GPC5: variants seen among roughly 807,000 people sequenced by gnomAD.
GPC5 encodes glypican 5, also known as glypican-5.
In GPC5, 47 loss-of-function variants were observed where a neutral mutation model predicts 53.9. That is an observed-to-expected ratio of 0.87 (90% CI 0.69 to 1.11). GPC5 has a LOEUF of 1.11. Among genes scored for constraint, GPC5 ranks in the 50% most tolerant of loss-of-function variants. The pLI is 0.00. For missense variants in GPC5, 748 were observed against 713.1 expected (o/e 1.05, Z -0.56); for synonymous variants, 286 against 263.3 (o/e 1.09, Z -0.84).
At chr13:91,588,102 A>G (rs2032664854) in intron 2 of GPC5, among the ~76,000 whole-genome samples, 1 of 152,160 alleles carries the variant, frequency 6.6e-6, no homozygotes. Flanking sequence ...AGCAGTGGAA[A>G]CTAACAGCAC....
chr13:91,684,421 G>A (rs1246001143), intron 2 of GPC5, among the ~76,000 whole-genome samples: 2 of 152,018 alleles, frequency 1.3e-5, no homozygotes, highest in Admixed American at 6.6e-5. Flanking sequence ...CACGGAGCCG[G>A]CATACTCTTG....
chr13:91,476,168 A>T (rs1010992323), intron 2 of GPC5, among the ~76,000 whole-genome samples: 1 of 152,172 alleles, frequency 6.6e-6, no homozygotes, highest in Non-Finnish European at 1.5e-5. Flanking sequence ...GCATCTTGAC[A>T]TCTACCCACT....
At chr13:91,678,335 G>T (rs2035430112) in intron 2 of GPC5, among the ~76,000 whole-genome samples, 1 of 152,130 alleles carries the variant, frequency 6.6e-6, no homozygotes, top group Non-Finnish European at 1.5e-5. Context: ...TAGAACATTT[G>T]GTGGTTAGAA....
intron 2 of GPC5, among the ~76,000 whole-genome samples, chr13:91,600,640 G>T (rs972390206): frequency 6.6e-6 from 1 of 151,816 alleles, no homozygotes; most frequent in African/African-American, 2.4e-5. Flanking sequence ...ATGGGGTCTC[G>T]CTCTGTCGCC....
chr13:92,477,803 T>C (rs774209382), intron 7 of GPC5, among the ~76,000 whole-genome samples: 15 of 152,094 alleles, frequency 9.9e-5, no homozygotes, highest in Non-Finnish European at 1.8e-4. Context: ...TGTAGCGGTG[T>C]GTTGTTATTG....
chr13:91,504,865 G>C (rs190776584), intron 2 of GPC5, among the ~76,000 whole-genome samples: 1 of 152,064 alleles, frequency 6.6e-6, no homozygotes, highest in Non-Finnish European at 1.5e-5. Flanking sequence ...GAAGTAGGAG[G>C]ATCGCTTGAG....
At chr13:92,372,651 C>G (rs999886403) in intron 7 of GPC5, among the ~76,000 whole-genome samples, 2 of 152,156 alleles carry the variant, frequency 1.3e-5, no homozygotes, top group African/African-American at 4.8e-5. Context: ...AAATATGTGA[C>G]CACAACCTTG....
intron 6 of GPC5, among the ~76,000 whole-genome samples, chr13:92,095,206 T>A (rs1244490844): frequency 1.3e-5 from 2 of 152,146 alleles, no homozygotes; most frequent in African/African-American, 4.8e-5. Context: ...GCAGGAAAAA[T>A]TGCTGAGGGA....
At position 92,057,406 on chromosome 13, in the gene GPC5, A is replaced by G. The variant is rs188252548; in HGVS notation, c.1402-87424A>G. 2.2e-3 allele frequency among the ~76,000 whole-genome samples: 334 copies of G among 152,334 alleles called. 3 individuals are homozygous for G. Among genetic ancestry groups the G allele is most frequent in the South Asian group, 0.014 (69 of 4,826 alleles). ...CCAGCTAAGCCTTGCCCAAATTCCT[A>G]ACCTGCAGAATCAAGAAAAACTAAA... is the stretch of plus-strand genomic sequence containing the variant. On this transcript the variant is annotated intron_variant, in intron 6 of 7. Transcript: ENST00000377067.
At chr13:91,586,775 C>A (rs1049351650) in intron 2 of GPC5, among the ~76,000 whole-genome samples, 1 of 150,354 alleles carries the variant, frequency 6.7e-6, no homozygotes, top group East Asian at 2.0e-4. Flanking sequence ...ATCAACAAGT[C>A]TTGAGTTATA....
intron 2 of GPC5, among the ~76,000 whole-genome samples, chr13:91,514,674 A>C (rs1885402267): frequency 1.3e-5 from 2 of 152,156 alleles, no homozygotes; most frequent in South Asian, 2.1e-4. Context: ...TTTTAAAGAA[A>C]AGTCTTTCAA....
intron 1 of GPC5, among the ~76,000 whole-genome samples, chr13:91,405,819 G>A (rs890995717): frequency 6.6e-6 from 1 of 152,156 alleles, no homozygotes; most frequent in African/African-American, 2.4e-5. Context: ...CACCCAGGCT[G>A]GAGTGCAGTG....
chr13:92,358,463 G>C (rs2043540273), intron 7 of GPC5, among the ~76,000 whole-genome samples: 1 of 151,686 alleles, frequency 6.6e-6, no homozygotes, highest in Admixed American at 6.5e-5. Context: ...GCTCTAGTAG[G>C]CCGTGCCCCA....
At position 92,287,717 on chromosome 13, in the gene GPC5, C is replaced by T. The variant is rs538161498; in HGVS notation, c.1561+142728C>T. ...TTCTAGGTTTTCTTTTTGTATTTGG[C>T]TTTGGAAAGTTTGGTTATAATGTGT... On this transcript the variant is annotated intron_variant, in intron 7 of 7. Transcript: ENST00000377067. Among the ~76,000 whole-genome samples, 5 of 152,130 alleles carry T rather than the reference C, an allele frequency of 3.3e-5. No individual in the cohort carries two copies. In the South Asian group the frequency reaches 1.0e-3, roughly 32 times the overall value.
intron 7 of GPC5, among the ~76,000 whole-genome samples, chr13:92,321,646 T>TACATACATACAA (rs1166061028): frequency 1.4e-5 from 2 of 144,460 alleles, no homozygotes; most frequent in African/African-American, 5.2e-5. Flanking sequence ...CATACATACA[T>TACATACATACAA]ACAATAGAAT....
At chr13:91,916,938 G>A (rs1023907641) in intron 6 of GPC5, among the ~76,000 whole-genome samples, 1 of 152,158 alleles carries the variant, frequency 6.6e-6, no homozygotes, top group African/African-American at 2.4e-5. Context: ...TTTGGGTGGA[G>A]ACACAGCCAA....
intron 2 of GPC5, among the ~76,000 whole-genome samples, chr13:91,471,602 T>G (rs1166177315): frequency 6.6e-6 from 1 of 152,116 alleles, no homozygotes; most frequent in South Asian, 2.1e-4. Context: ...TAGAAAGAAA[T>G]AAATACTAGT....
At chr13:92,804,221 C>T (rs533733131) in intron 7 of GPC5, among the ~76,000 whole-genome samples, 10 of 152,006 alleles carry the variant, frequency 6.6e-5, no homozygotes, top group African/African-American at 1.9e-4. Context: ...AAGAAATTTG[C>T]ATTTATTCTA....
intron 2 of GPC5, among the ~76,000 whole-genome samples, chr13:91,653,279 C>A (rs2034762078): frequency 6.6e-6 from 1 of 152,068 alleles, no homozygotes; most frequent in South Asian, 2.1e-4. Context: ...TTTAATAAAC[C>A]CTTATAAGAT....
Sources: gnomAD v4.1 joint callset for allele counts (sites outside exome capture counted in the v4.1 genomes callset) on GRCh38, gnomAD v4.1.1 for gene constraint, MANE v1.5 for transcripts, NCBI Gene and HGNC (gene_info 2026-07-23, HGNC 2026-07-21) for gene names.